Variants in CNTNAP5 observed in about 807,000 individuals in gnomAD.
The protein encoded by CNTNAP5 is contactin associated protein family member 5.
A neutral mutation model predicts 150.2 loss-of-function variants in CNTNAP5; 72 were observed. The observed-to-expected ratio is 0.48, with a 90% confidence interval of 0.40 to 0.58. The LOEUF (loss-of-function observed/expected upper bound fraction) is 0.58. Among genes scored for constraint, CNTNAP5 ranks in the 20% least tolerant of loss-of-function variants. CNTNAP5 has a pLI of 0.00. For synonymous variants in CNTNAP5, 672 were observed against 619.8 expected, an observed-to-expected ratio of 1.08 and a Z score of -1.25; for missense variants, 1,636 against 1,626.2, an observed-to-expected ratio of 1.01 and a Z score of -0.10.
intron 10 of CNTNAP5, among the ~76,000 whole-genome samples, chr2:124,543,632 G>A (rs908428805): frequency 1.3e-5 from 2 of 152,188 alleles, no homozygotes; most frequent in East Asian, 1.9e-4. Flanking sequence ...AGCAGCATTC[G>A]AATCAGATAC....
At chr2:124,053,666 AC>A (rs1424144373) in intron 1 of CNTNAP5, among the ~76,000 whole-genome samples, 1 of 152,240 alleles carries the variant, frequency 6.6e-6, no homozygotes, top group Admixed American at 6.5e-5. Context: ...AACACCTAGT[AC>A]AGTGTCAGGT....
intron 3 of CNTNAP5, among the ~76,000 whole-genome samples, chr2:124,338,371 C>T (rs1489722931): frequency 6.6e-6 from 1 of 152,062 alleles, no homozygotes; most frequent in Non-Finnish European, 1.5e-5. Context: ...TTTCTCCTGC[C>T]TGATTGCCCT....
At chr2:124,253,282 G>A (rs776332456) in intron 3 of CNTNAP5, among the ~76,000 whole-genome samples, 45 of 151,972 alleles carry the variant, frequency 3.0e-4, no homozygotes, top group African/African-American at 7.5e-4. Flanking sequence ...AGGAATTACC[G>A]TATATACTTT....
At chr2:124,117,117 T>C (rs932640577) in intron 1 of CNTNAP5, among the ~76,000 whole-genome samples, 4 of 152,216 alleles carry the variant, frequency 2.6e-5, no homozygotes, top group African/African-American at 9.6e-5. Context: ...TTACTTCAGC[T>C]TAAGTTTCCC....
At chr2:124,510,495 A>G (rs1362202314) in intron 8 of CNTNAP5, among the ~76,000 whole-genome samples, 4 of 126,666 alleles carry the variant, frequency 3.2e-5, no homozygotes, top group African/African-American at 9.0e-5. Flanking sequence ...ATATATATAT[A>G]TATATATATA....
At chr2:124,745,279 C>G (rs1680581838) in intron 13 of CNTNAP5, among the ~76,000 whole-genome samples, 1 of 152,154 alleles carries the variant, frequency 6.6e-6, no homozygotes, top group African/African-American at 2.4e-5. Flanking sequence ...CAAAGTATCT[C>G]TTGCTCATTG....
At chr2:124,115,709 T>C (rs1461097338) in intron 1 of CNTNAP5, among the ~76,000 whole-genome samples, 1 of 142,950 alleles carries the variant, frequency 7.0e-6, no homozygotes, top group Non-Finnish European at 1.5e-5. Flanking sequence ...CGTGAGGTGG[T>C]ACGATCAAGG....
chr2:124,291,029 A>G (rs767795213), intron 3 of CNTNAP5, among the ~76,000 whole-genome samples: 112 of 152,284 alleles, frequency 7.4e-4, no homozygotes, highest in Admixed American at 4.5e-3. Flanking sequence ...CCTCATGGGC[A>G]GTAGATGCAA....
At chr2:124,440,768 C>T (rs1243544310) in intron 5 of CNTNAP5, among the ~76,000 whole-genome samples, 1 of 151,918 alleles carries the variant, frequency 6.6e-6, no homozygotes, top group Non-Finnish European at 1.5e-5. Flanking sequence ...AATTATTTCC[C>T]TTATCTATTT....
chr2:124,389,606 G>T (rs899752683), intron 3 of CNTNAP5, among the ~76,000 whole-genome samples: 1 of 152,170 alleles, frequency 6.6e-6, no homozygotes, highest in South Asian at 2.1e-4. Flanking sequence ...AGGCATGTCT[G>T]CCTTCCACAA....
At chr2:124,661,992 C>T (rs1391663791) in intron 13 of CNTNAP5, among the ~76,000 whole-genome samples, 1 of 152,016 alleles carries the variant, frequency 6.6e-6, no homozygotes, top group Non-Finnish European at 1.5e-5. Context: ...CTAATGCTAT[C>T]CCTCCCCTTG....
intron 1 of CNTNAP5, among the ~76,000 whole-genome samples, chr2:124,138,034 A>C (rs1487734097): frequency 1.3e-5 from 2 of 152,172 alleles, no homozygotes; most frequent in Non-Finnish European, 2.9e-5. Context: ...TTCCTCAATG[A>C]AAAAATGGAG....
chr2:124,347,480 AC>A (rs1689767759), intron 3 of CNTNAP5, among the ~76,000 whole-genome samples: 1 of 152,174 alleles, frequency 6.6e-6, no homozygotes, highest in South Asian at 2.1e-4. Flanking sequence ...GTCTGAGAGC[AC>A]TAGGCGGGCA....
At chr2:124,492,082 C>G (rs1694045354) in intron 7 of CNTNAP5, among the ~76,000 whole-genome samples, 1 of 152,070 alleles carries the variant, frequency 6.6e-6, no homozygotes, top group African/African-American at 2.4e-5. Flanking sequence ...CCTTTTCATT[C>G]TGTTGCTTCC....
intron 19 of CNTNAP5, among the ~76,000 whole-genome samples, chr2:124,806,905 C>T (rs934209483): frequency 1.3e-4 from 16 of 123,420 alleles, no homozygotes; most frequent in African/African-American, 4.6e-4. Flanking sequence ...ACTGAACTAC[C>T]TTTATTTTAC....
intron 12 of CNTNAP5, among the ~76,000 whole-genome samples, chr2:124,644,375 T>G (rs1678160913): frequency 6.6e-6 from 1 of 152,154 alleles, no homozygotes; most frequent in African/African-American, 2.4e-5. Context: ...GAAGAAAAGA[T>G]AGGAAGCGAG....
In CNTNAP5 at chr2:124,780,357, T is replaced by G. The variant is rs189742796; in HGVS notation, c.2752+7340T>G. 9.8e-4 allele frequency among the ~76,000 whole-genome samples: 149 copies of G among 152,316 alleles called. 3 individuals carry two copies. Among genetic ancestry groups the G allele is most frequent in the Admixed American group, 2.1e-3 (32 of 15,294 alleles). ...TTGACATTTAAAGGACACACTCAAT[T>G]GGTGTAATGGCTCCAGGGGGAAAGA... is the stretch of plus-strand genomic sequence containing the variant. On this transcript the variant is annotated intron_variant, in intron 17 of 23. Coordinates refer to ENST00000682447, the MANE Select transcript of CNTNAP5 (RefSeq NM_001367498.1).
chr2:124,439,540 C>G (rs185005406), intron 5 of CNTNAP5, among the ~76,000 whole-genome samples: 15 of 152,160 alleles, frequency 9.9e-5, no homozygotes, highest in Non-Finnish European at 1.8e-4. Context: ...AGCAACAACT[C>G]CTAAATCTGG....
intron 17 of CNTNAP5, among the ~76,000 whole-genome samples, chr2:124,779,350 TTTC>T (rs1382570929): frequency 1.3e-5 from 2 of 152,214 alleles, no homozygotes; most frequent in Non-Finnish European, 2.9e-5. Flanking sequence ...ATAGTTCACT[TTTC>T]TGCCCATTCA....
Sources: allele counts gnomAD v4.1 joint callset (sites outside exome capture counted in the v4.1 genomes callset), GRCh38; gene constraint gnomAD v4.1.1; transcripts MANE v1.5; gene names NCBI Gene and HGNC (gene_info 2026-07-23, HGNC 2026-07-21).